The following GAPVD1 variants were observed in gnomAD, a reference collection of about 807,000 sequenced individuals.
GAPVD1 encodes the protein GTPase-activating protein and VPS9 domain-containing protein 1.
GAPVD1 carries 35 observed loss-of-function variants against 155.5 expected under a neutral mutation model. The ratio of observed to expected loss-of-function variants is 0.23; its 90% CI spans 0.17 to 0.30. The LOEUF (loss-of-function observed/expected upper bound fraction) is 0.30, where lower values mean the gene tolerates loss of function less well. GAPVD1 is among the 10% of genes least tolerant of loss of function. The pLI is 1.00. For missense variants in GAPVD1, 1,429 were observed against 1,775.7 expected (o/e 0.80, Z 3.51); for synonymous variants, 636 against 619.7 (o/e 1.03, Z -0.39).
intron 19 of GAPVD1, among the ~76,000 whole-genome samples, chr9:125,344,219 A>AACT (rs563059075): frequency 1.6e-3 from 240 of 152,280 alleles, no homozygotes; most frequent in South Asian, 3.3e-3. Flanking sequence ...CTGTGACCCT[A>AACT]ACTACTGTTC....
At chr9:125,346,568 C>A (rs1848545967) in intron 19 of GAPVD1, 1 of 534,462 alleles carries the variant, frequency 1.9e-6, no homozygotes, top group Non-Finnish European at 3.4e-6. Flanking sequence ...CTGCCCTGAA[C>A]TTTGACACTG....
At chr9:125,341,346 A>G (rs543853345) in intron 18 of GAPVD1, 82 bp downstream of exon 18, 1 of 706,686 alleles carries the variant, frequency 1.4e-6, no homozygotes, top group Non-Finnish European at 2.4e-6. Context: ...CAATGTCTCA[A>G]CTCCTCTGTA....
At chr9:125,306,703 A>C (rs1363825269) in intron 6 of GAPVD1, among the ~76,000 whole-genome samples, 1 of 152,038 alleles carries the variant, frequency 6.6e-6, no homozygotes, top group East Asian at 1.9e-4. Flanking sequence ...CTGTTGCCCC[A>C]AGTGGTTTTG....
At chr9:125,291,471 G>A (rs1191758330) in intron 2 of GAPVD1, among the ~76,000 whole-genome samples, 5 of 152,142 alleles carry the variant, frequency 3.3e-5, no homozygotes, top group Admixed American at 3.3e-4. Flanking sequence ...AGCTAGGTAA[G>A]GAGGGAAGCA....
intron 25 of GAPVD1, 70 bp downstream of exon 25, chr9:125,355,927 C>T: frequency 1.2e-6 from 1 of 857,360 alleles, no homozygotes; most frequent in Non-Finnish European, 2.0e-6. Flanking sequence ...ATATTTTAGG[C>T]AAGCTATACG....
At chr9:125,357,560 C>T (rs998813283) in intron 25 of GAPVD1, among the ~76,000 whole-genome samples, 3 of 151,888 alleles carry the variant, frequency 2.0e-5, no homozygotes, top group African/African-American at 7.3e-5. Context: ...GCCTAGGCAA[C>T]AGAGTGAGAC....
chr9:125,288,801 T>C (rs1838135834), intron 2 of GAPVD1, among the ~76,000 whole-genome samples: 1 of 152,218 alleles, frequency 6.6e-6, no homozygotes, highest in African/African-American at 2.4e-5. Flanking sequence ...AGTTCAGATT[T>C]TCTTACAGAG....
chr9:125,328,879 G>T (rs915098764), intron 12 of GAPVD1, among the ~76,000 whole-genome samples: 1 of 152,238 alleles, frequency 6.6e-6, no homozygotes, highest in African/African-American at 2.4e-5. Flanking sequence ...GCCGGGCAGG[G>T]GGGCTCACCT....
At chr9:125,290,306 G>T (rs1838364673) in intron 2 of GAPVD1, among the ~76,000 whole-genome samples, 1 of 152,130 alleles carries the variant, frequency 6.6e-6, no homozygotes, top group South Asian at 2.1e-4. Context: ...TGATCCAGTA[G>T]AGAGAAAAAT....
chr9:125,324,388 C>G (rs1844831443), intron 11 of GAPVD1, among the ~76,000 whole-genome samples: 1 of 151,720 alleles, frequency 6.6e-6, no homozygotes, highest in Non-Finnish European at 1.5e-5. Context: ...GTCGGGAGTT[C>G]AAGACCAGCC....
At chr9:125,350,249 C>A (rs1355122184) in intron 21 of GAPVD1, 46 bp from the exon 22 acceptor site, 9 of 1,064,244 alleles carry the variant, frequency 8.5e-6, no homozygotes, top group Non-Finnish European at 1.3e-5. Flanking sequence ...TAAAATGTGA[C>A]CATATCTGGA....
At chr9:125,279,627 A>T (rs183418818) in intron 2 of GAPVD1, among the ~76,000 whole-genome samples, 2 of 151,724 alleles carry the variant, frequency 1.3e-5, no homozygotes, top group East Asian at 1.9e-4. Context: ...GAGGAAAAGT[A>T]TGTGCACAAT....
chr9:125,332,854 T>C (rs1846282948), intron 15 of GAPVD1, among the ~76,000 whole-genome samples: 1 of 152,214 alleles, frequency 6.6e-6, no homozygotes, highest in Non-Finnish European at 1.5e-5. Flanking sequence ...AGAAAGTCCT[T>C]AGCACGAAGA....
intron 1 of GAPVD1, among the ~76,000 whole-genome samples, chr9:125,267,720 G>T (rs181501763): frequency 5.6e-4 from 85 of 151,364 alleles, no homozygotes; most frequent in Admixed American, 1.5e-3. Context: ...ATTAAAAAAA[G>T]AATTTTTTTT....
In GAPVD1 at chr9:125,347,463, C is replaced by T. The variant is rs148559249; in HGVS notation, c.3169+522C>T. ...AATAGGGGCTGAGCACGGTGGCTCA[C>T]ACCTGTAATCCCAGCACTTTGGGGG... On this transcript the variant is annotated intron_variant, in intron 20 of 27. Coordinates refer to ENST00000297933, the MANE Select transcript of GAPVD1 (RefSeq NM_001282680.3). Among the ~76,000 whole-genome samples, 716 of 152,288 alleles carry T rather than the reference C, an allele frequency of 4.7e-3. 6 individuals are homozygous for T. The highest frequency in any genetic ancestry group is 0.014 in the Middle Eastern group (4 of 294).
chr9:125,273,142 A>G (rs986481415), intron 2 of GAPVD1, among the ~76,000 whole-genome samples: 5 of 152,172 alleles, frequency 3.3e-5, no homozygotes, highest in African/African-American at 1.2e-4. Flanking sequence ...AGATTGTTAA[A>G]TTAGATTTGG....
At position 125,293,879 on chromosome 9, in the gene GAPVD1, T is replaced by TATATATATA. The variant is rs1564312085; in HGVS notation, c.-149-1578_-149-1570dup. Among the ~76,000 whole-genome samples, 168 of 20,376 alleles carry TATATATATA rather than the reference T, an allele frequency of 8.2e-3. 5 individuals carry two copies. Among genetic ancestry groups the TATATATATA allele is most frequent in the African/African-American group, 0.032 (160 of 4,968 alleles). 13.4% of individuals were successfully genotyped at this position (20,376 alleles called of 152,430 possible). ...ATATATATATATATATATATATATA[T>TATATATATA]ATATATATATATATATATATATATA... On this transcript the variant is annotated intron_variant, in intron 2 of 27. Transcript: ENST00000297933.
At chr9:125,330,481 G>T (rs1428878137) in intron 13 of GAPVD1, among the ~76,000 whole-genome samples, 1 of 151,812 alleles carries the variant, frequency 6.6e-6, no homozygotes, top group African/African-American at 2.4e-5. Flanking sequence ...ACCATGCCGG[G>T]TAATTTTTGT....
intron 25 of GAPVD1, among the ~76,000 whole-genome samples, chr9:125,357,217 A>G (rs1298225854): frequency 2.0e-5 from 3 of 152,194 alleles, no homozygotes; most frequent in African/African-American, 7.2e-5. Context: ...TAATGCTTTT[A>G]TTAACCATTC....
Sources: allele counts gnomAD v4.1 joint callset (sites outside exome capture counted in the v4.1 genomes callset), GRCh38; gene constraint gnomAD v4.1.1; transcripts MANE v1.5; gene names NCBI Gene and HGNC (gene_info 2026-07-23, HGNC 2026-07-21).